Variants in DGKQ observed in about 807,000 individuals in gnomAD.
DGKQ encodes DAG kinase theta.
A neutral mutation model predicts 104.2 loss-of-function variants in DGKQ; 97 were observed. The observed-to-expected ratio is 0.93, with a 90% CI of 0.79 to 1.10. DGKQ has a LOEUF of 1.10. DGKQ is among the 50% of genes least tolerant of loss of function. DGKQ has a pLI of 0.00. For missense variants in DGKQ, 1,465 were observed against 1,352.1 expected (o/e 1.08, Z -1.31); for synonymous variants, 736 against 595.2 (o/e 1.24, Z -3.44).
At chr4:960,822 C>A in intron 22 of DGKQ, 101 bp from the exon 23 acceptor site, 1 of 1,523,388 alleles carries the variant, frequency 6.6e-7, no homozygotes, top group South Asian at 1.2e-5. Context: ...CTGATGCCAT[C>A]TCAGCCCCAT....
Position 967,999 on chromosome 4 carries a change from G to A in DGKQ, c.692C>T (p.Ala231Val). 1 of 1,459,694 alleles carries A rather than the reference G, an allele frequency of 6.9e-7. No individual in the cohort carries two copies. Among genetic ancestry groups the A allele is most frequent in the Non-Finnish European group, 9.0e-7 (1 of 1,115,088 alleles). 90.4% of individuals were successfully genotyped at this position (1,459,694 alleles called of 1,614,324 possible). ...CAGACGCCCGAAGCCACACTCGGGA[G>A]CCAGCGCCGCGGAGCAGAGGGAGTG... ...QAHSLCSAAL[A>V]PECGFGRLRS... The change falls in exon 6 of 23, where the codon GCT becomes GTT. Residue 231 changes from alanine to valine, a missense_variant. Physicochemically the swap from Ala to Val is moderately conservative, Grantham distance 64 (BLOSUM62 0). Coordinates refer to ENST00000273814, the MANE Select transcript of DGKQ (RefSeq NM_001347.4).
chr4:968,527 G>A lies in DGKQ; in HGVS notation c.489C>T (p.Phe163=), dbSNP rs760862355. Residue 163 remains phenylalanine, a synonymous_variant, in exon 4 of 23, where the codon TTC becomes TTT. Transcript: ENST00000273814. ...ELHLHPDCVP[F]ACSDCRQCHQ... is the part of the protein sequence containing the mutation. ...GGCACTGGCGGCAGTCACTGCAGGC[G>A]AAGGGCACACAGTCTGGGTGGAGGT... 51 of 1,609,692 alleles carry A rather than the reference G, an allele frequency of 3.2e-5. No individual in the cohort carries two copies. In the East Asian group the frequency reaches 5.1e-4, roughly 16 times the overall value.
chr4:972,208 C>T (rs1269877813), intron 1 of DGKQ, among the ~76,000 whole-genome samples: 1 of 152,120 alleles, frequency 6.6e-6, no homozygotes, highest in Non-Finnish European at 1.5e-5. Context: ...AGTCTGGCCT[C>T]AAGTCGGGAG....
chr4:968,312 G>T lies in DGKQ; in HGVS notation c.633C>A (p.Ala211=). 1 of 1,122,880 alleles carries T rather than the reference G, an allele frequency of 8.9e-7. No homozygotes were observed. Among genetic ancestry groups the T allele is most frequent in the South Asian group, 1.4e-5 (1 of 69,912 alleles). 69.6% of individuals were successfully genotyped at this position (1,122,880 alleles called of 1,614,324 possible). A position where few individuals can be genotyped will look rare whatever the true frequency, so the allele number is the denominator to read the frequency against. The change falls in exon 5 of 23, where the codon GCC becomes GCA. Residue 211 remains alanine, a synonymous_variant. Coordinates refer to ENST00000273814, the MANE Select transcript of DGKQ (RefSeq NM_001347.4). The part of the protein sequence containing the change: ...RKTCGSSDVL[A]GVRCEWCGVQ... ...CCCCGCACCACTCGCAGCGCACGCC[G>T]GCCAGCACGTCAGAGGAGCCGCACG...
chr4:965,953 C>G lies in DGKQ; in HGVS notation c.1554G>C (p.Leu518=), dbSNP rs764911180. 2.6e-5 allele frequency: 42 copies of G among 1,604,736 alleles called. No homozygotes were observed. Among genetic ancestry groups the G allele is most frequent in the Non-Finnish European group, 3.3e-5 (39 of 1,176,264 alleles). The part of the protein sequence containing the change: ...PGLSPEEYSS[L]LHEAGATKAT... ...CTTTGGTAGCCCCGGCCTCATGCAG[C>G]AGGCTGCTGTACTCCTCGGGAGACA... The change falls in exon 13 of 23, where the codon CTG becomes CTC. Residue 518 remains leucine (L), a synonymous_variant. Coordinates refer to ENST00000273814, the MANE Select transcript of DGKQ (RefSeq NM_001347.4).
Position 961,481 on chromosome 4 carries a change from C to G in DGKQ, c.2560G>C (p.Gly854Arg), listed in dbSNP as rs1560510374. ...CGGCGGCTCACCATGTGCACGACGCCCGTCACGCCCACAACCTCCAGCAGC... is the reference window on the plus strand; with the variant it reads ...CGGCGGCTCACCATGTGCACGACGCGCGTCACGCCCACAACCTCCAGCAGC... ...DGLLEVVGVT[G>R]VVHMGQVQGG... Residue 854 changes from glycine (G) to arginine (R), a missense_variant, in exon 21 of 23, where the codon GGC becomes CGC. Physicochemically the swap from Gly to Arg is moderately radical, Grantham distance 125. Transcript: ENST00000273814. 6.2e-7 allele frequency: 1 copy of G among 1,601,804 alleles called. No individual in the cohort carries two copies. Among genetic ancestry groups the G allele is most frequent in the Non-Finnish European group, 8.5e-7 (1 of 1,176,098 alleles).
chr4:967,863 G>A lies in DGKQ; in HGVS notation c.811+17C>T. On this transcript the variant is annotated intron_variant, in intron 6 of 22. Transcript: ENST00000273814. ...GCAGCCCCCAGCCCAGGGCGCCCCGGCCGGCCCGCACCTCACCCGGCTCCG... is the reference window on the plus strand; with the variant it reads ...GCAGCCCCCAGCCCAGGGCGCCCCGACCGGCCCGCACCTCACCCGGCTCCG... The A allele has an allele frequency of 6.8e-7, 1 of 1,475,612 alleles. No individual in the cohort carries two copies. The highest frequency in any genetic ancestry group is 9.0e-7 in the Non-Finnish European group (1 of 1,117,290). The allele number at this position is 1,475,612 out of a possible 1,614,324, so 91.4% of individuals were successfully genotyped here. A position where few individuals can be genotyped will look rare whatever the true frequency, so the allele number is the denominator to read the frequency against.
chr4:964,913 G>A (rs955583183), intron 15 of DGKQ, among the ~76,000 whole-genome samples: 1 of 151,784 alleles, frequency 6.6e-6, no homozygotes, highest in Admixed American at 6.6e-5. Flanking sequence ...GGTGCCCCAC[G>A]GAGCTGGTAT....
At chr4:970,579 AC>A (rs1186277097) in intron 2 of DGKQ, among the ~76,000 whole-genome samples, 3 of 151,956 alleles carry the variant, frequency 2.0e-5, no homozygotes, top group African/African-American at 2.4e-5. Flanking sequence ...AACTGAACAG[AC>A]CCCCTGAAGC....
At position 967,940 on chromosome 4, in the gene DGKQ, G is replaced by GGCGC; in HGVS notation, c.747_750dup (p.Leu251AlafsTer55). 4 of 1,477,726 alleles carry GGCGC rather than the reference G, an allele frequency of 2.7e-6. No individual in the cohort carries two copies. Among genetic ancestry groups the GGCGC allele is most frequent in the Non-Finnish European group, 3.6e-6 (4 of 1,122,722 alleles). 91.5% of individuals were successfully genotyped at this position (1,477,726 alleles called of 1,614,324 possible). On this transcript the variant is annotated frameshift_variant, in exon 6 of 23. Coordinates refer to ENST00000273814, the MANE Select transcript of DGKQ (RefSeq NM_001347.4). LOFTEE classifies it high-confidence loss of function. ...GTCTTGCTGAAGCCGCCGGGCAGAA[G>GGCGC]GCGCACGCACGCGGGAGGCAGGACC... is the stretch of plus-strand genomic sequence containing the variant.
chr4:973,348 GGGTCCC>G lies in DGKQ; in HGVS notation c.129_134del (p.Gly44_Pro45del). On this transcript the variant is annotated inframe_deletion, in exon 1 of 23. Coordinates refer to ENST00000273814, the MANE Select transcript of DGKQ (RefSeq NM_001347.4). ...CCGGGGCTCTGACGCCCGCCCGCTCGGGTCCCGGCCCCGGCCCCGGCCCCGGGCGCG... is the reference window on the plus strand; with the variant it reads ...CCGGGGCTCTGACGCCCGCCCGCTCGGGCCCCGGCCCCGGCCCCGGGCGCG... 7.6e-7 allele frequency: 1 copy of G among 1,319,946 alleles called. No homozygotes were observed. 81.8% of individuals were successfully genotyped at this position (1,319,946 alleles called of 1,614,324 possible).
intron 12 of DGKQ, 109 bp from the exon 13 acceptor site, chr4:966,187 C>T (rs1712317585): frequency 8.3e-7 from 1 of 1,200,948 alleles, no homozygotes; most frequent in African/African-American, 1.5e-5. Flanking sequence ...GGAACACTCC[C>T]AGGAATTAAG....
chr4:968,617 T>G (rs911660655), intron 3 of DGKQ, 53 bp from the exon 4 acceptor site: 1 of 1,516,850 alleles, frequency 6.6e-7, no homozygotes. Flanking sequence ...GACCCCTGCC[T>G]CTGCCGGTGC....
At position 960,680 on chromosome 4, in the gene DGKQ, G is replaced by A. The variant is rs777360834; in HGVS notation, c.2769C>T (p.Ala923=). ...LRKAKQKPRR[A]GTTRDARADA... is the part of the protein sequence containing the mutation. Reference sequence around the variant, plus strand: ...CCGCCCGGGCATCCCTGGTGGTCCCGGCCCTCCTCGGCTTCTGCTTGGCCT... The same window carrying A: ...CCGCCCGGGCATCCCTGGTGGTCCCAGCCCTCCTCGGCTTCTGCTTGGCCT... The change falls in exon 23 of 23, where the codon GCC becomes GCT. Residue 923 remains alanine, a synonymous_variant. Coordinates refer to ENST00000273814, the MANE Select transcript of DGKQ (RefSeq NM_001347.4). 1.1e-5 allele frequency: 18 copies of A among 1,612,136 alleles called. No homozygotes were observed. The highest frequency in any genetic ancestry group is 6.6e-5 in the South Asian group (6 of 91,086).
Position 968,531 on chromosome 4 carries a change from G to C in DGKQ, c.485C>G (p.Pro162Arg), listed in dbSNP as rs1412561107. Residue 162 changes from proline (P) to arginine (R), a missense_variant, in exon 4 of 23, where the codon CCC becomes CGC. Pro to Arg is a moderately radical substitution (Grantham distance 103). Transcript: ENST00000273814. Reference protein sequence around the residue: ...CELHLHPDCVPFACSDCRQCH... With the variant: ...CELHLHPDCVRFACSDCRQCH... ...CTGGCGGCAGTCACTGCAGGCGAAG[G>C]GCACACAGTCTGGGTGGAGGTGCAG... is the stretch of plus-strand genomic sequence containing the variant. 3 of 1,609,728 alleles carry C rather than the reference G, an allele frequency of 1.9e-6. No homozygotes were observed. Among genetic ancestry groups the C allele is most frequent in the African/African-American group, 2.7e-5 (2 of 74,798 alleles).
At position 973,490 on chromosome 4, in the gene DGKQ, C is replaced by T. The variant is rs1713109751; in HGVS notation, c.-8G>A. ...CTCGGCCGCCGCCGCCATTCCCGGC[C>T]CGAGCGGCCCGAGCCCCTTTAGGTC... is the stretch of plus-strand genomic sequence containing the variant. On this transcript the variant is annotated 5_prime_UTR_variant, in exon 1 of 23. Coordinates refer to ENST00000273814, the MANE Select transcript of DGKQ (RefSeq NM_001347.4). The T allele has an allele frequency of 5.1e-6, 5 of 987,800 alleles. No homozygotes were observed. The highest frequency in any genetic ancestry group is 6.0e-6 in the Non-Finnish European group (5 of 832,604). The allele number at this position is 987,800 out of a possible 1,614,324, so 61.2% of individuals were successfully genotyped here. A position where few individuals can be genotyped will look rare whatever the true frequency, so the allele number is the denominator to read the frequency against.
rs145962488 is a variant in DGKQ, at chr4:971,062, G to A, written c.282C>T (p.Phe94=). ...GCTTCAGGCACTTCTCATGAGACAT[G>A]AAATTGCAGACTGTGGGAATGAGCA... ...LAGFLCDVCN[F]MSHEKCLKHV... The change falls in exon 2 of 23, where the codon TTC becomes TTT. Residue 94 remains phenylalanine, a synonymous_variant. Coordinates refer to ENST00000273814, the MANE Select transcript of DGKQ (RefSeq NM_001347.4). This position sits in a 1 kb window ranked among gnomAD's most constrained non-coding sequence, Gnocchi z 4.0. The A allele has an allele frequency of 1.6e-4, 252 of 1,557,548 alleles. No individual in the cohort carries two copies. In the East Asian group the frequency reaches 4.9e-3, roughly 30 times the overall value.
At chr4:963,341 C>A in intron 15 of DGKQ, 51 bp from the exon 16 acceptor site, 3 of 1,542,996 alleles carry the variant, frequency 1.9e-6, no homozygotes, top group South Asian at 1.2e-5. Context: ...GGGGTGTCCC[C>A]ACTGCTGGGG....
Position 967,860 on chromosome 4 carries a change from C to G in DGKQ, c.811+20G>C. ...TGCGCAGCCCCCAGCCCAGGGCGCC[C>G]CGGCCGGCCCGCACCTCACCCGGCT... On this transcript the variant is annotated intron_variant, in intron 6 of 22. Transcript: ENST00000273814. The G allele has an allele frequency of 6.8e-7, 1 of 1,477,042 alleles. No homozygotes were observed. Among genetic ancestry groups the G allele is most frequent in the East Asian group, 2.5e-5 (1 of 39,560 alleles). The allele number at this position is 1,477,042 out of a possible 1,614,324, so 91.5% of individuals were successfully genotyped here. A position where few individuals can be genotyped will look rare whatever the true frequency, so the allele number is the denominator to read the frequency against.
Sources: allele counts gnomAD v4.1 joint callset (sites outside exome capture counted in the v4.1 genomes callset), GRCh38; gene constraint gnomAD v4.1.1; non-coding constraint Gnocchi (gnomAD v3.1); transcripts MANE v1.5; gene names NCBI Gene and HGNC (gene_info 2026-07-23, HGNC 2026-07-21).